The following RET variants were observed in gnomAD, a reference collection of about 807,000 sequenced individuals.
The protein encoded by RET is proto-oncogene tyrosine-protein kinase receptor Ret.
RET carries 19 observed loss-of-function variants against 118.3 expected under a neutral mutation model. The observed-to-expected ratio is 0.16, with a 90% CI of 0.11 to 0.24. RET has a LOEUF of 0.24. Among genes scored for constraint, RET ranks in the 10% least tolerant of loss-of-function variants. The probability of loss-of-function intolerance (pLI) is 1.00; values close to 1 mark genes in which losing one functional copy is unlikely to be tolerated. For synonymous variants in RET, 597 were observed against 644.1 expected (o/e 0.93, Z 1.11); for missense variants, 1,219 against 1,502.1 (o/e 0.81, Z 3.12).
Position 43,107,559 on chromosome 10 carries a change from TCACACA to T in RET, c.1063+1026_1063+1031del, listed in dbSNP as rs59876947. ...ATGTAGACCTTTAACCCCCCATGCCTCACACACACACACACACACACACACACACAC... is the reference window on the plus strand; with the variant it reads ...ATGTAGACCTTTAACCCCCCATGCCTCACACACACACACACACACACACAC... On this transcript the variant is annotated intron_variant, in intron 5 of 19. Transcript: ENST00000355710. Among the ~76,000 whole-genome samples the T allele has an allele frequency of 5.5e-3, 770 of 140,788 alleles. 6 individuals are homozygous for T. The highest frequency in any genetic ancestry group is 0.019 in the Middle Eastern group (5 of 268). 92.4% of individuals were successfully genotyped at this position (140,788 alleles called of 152,430 possible). A position where few individuals can be genotyped will look rare whatever the true frequency, so the allele number is the denominator to read the frequency against.
Position 43,077,164 on chromosome 10 carries a change from G to T in RET, c.-95G>T. The stretch of plus-strand genomic sequence containing the variant: ...CGTCGCGTCCGCCGCGCCCCGGGCG[G>T]GGATGGGGCGGCCAGACTGAGCGCC... On this transcript the variant is annotated 5_prime_UTR_variant, in exon 1 of 20. Coordinates refer to ENST00000355710, the MANE Select transcript of RET (RefSeq NM_020975.6). 7.5e-7 allele frequency: 1 copy of T among 1,336,380 alleles called. No homozygotes were observed. Among genetic ancestry groups the T allele is most frequent in the South Asian group, 1.9e-5 (1 of 52,762 alleles). The allele number at this position is 1,336,380 out of a possible 1,614,324, so 82.8% of individuals were successfully genotyped here. A position where few individuals can be genotyped will look rare whatever the true frequency, so the allele number is the denominator to read the frequency against.
intron 2 of RET, among the ~76,000 whole-genome samples, chr10:43,101,213 G>A (rs1363036626): frequency 6.7e-6 from 1 of 149,940 alleles, no homozygotes; most frequent in Non-Finnish European, 1.5e-5. Context: ...CAGAGCCAGA[G>A]TCACGGCCAC....
chr10:43,120,330 C>T (rs1838187151), intron 15 of RET, 127 bp downstream of exon 15: 2 of 1,325,222 alleles, frequency 1.5e-6, no homozygotes, highest in East Asian at 2.5e-5. Flanking sequence ...TTATAGCCCT[C>T]ACCCCAAATC....
At chr10:43,081,251 T>G (rs1263914199) in intron 1 of RET, among the ~76,000 whole-genome samples, 2 of 151,734 alleles carry the variant, frequency 1.3e-5, no homozygotes, top group East Asian at 3.9e-4. Context: ...CTCCCCGTTC[T>G]CTGCTGTGCC....
chr10:43,106,423 T>C lies in RET; in HGVS notation c.915T>C (p.Pro305=), dbSNP rs776987390. 1.2e-6 allele frequency: 2 copies of C among 1,613,368 alleles called. No homozygotes were observed. Among genetic ancestry groups the C allele is most frequent in the South Asian group, 2.2e-5 (2 of 91,010 alleles). ...TLRVFDADVV[P]ASGELVRRYT... ...GTGTCTTCGATGCAGACGTGGTACC[T>C]GCATCAGGGGAGCTGGTGAGGCGGT... Residue 305 remains proline, a synonymous_variant, in exon 5 of 20, where the codon CCT becomes CCC. Coordinates refer to ENST00000355710, the MANE Select transcript of RET (RefSeq NM_020975.6). This position sits in a 1 kb window ranked among gnomAD's most constrained non-coding sequence, Gnocchi z 5.1.
intron 15 of RET, 63 bp downstream of exon 15, chr10:43,120,266 G>C (rs2132966523): frequency 6.2e-7 from 1 of 1,600,432 alleles, no homozygotes; most frequent in Non-Finnish European, 8.5e-7. Context: ...GGGGCAGGCA[G>C]TGCCCTTGGG....
chr10:43,118,536 A>G, intron 13 of RET, 56 bp downstream of exon 13: 1 of 1,269,350 alleles, frequency 7.9e-7, no homozygotes. Context: ...TGGGGGCTCC[A>G]TACAGCCCTG....
intron 19 of RET, chr10:43,127,601 C>A: frequency 1.3e-5 from 6 of 451,044 alleles, no homozygotes; most frequent in Non-Finnish European, 1.8e-5. Context: ...CCTCCTGACT[C>A]ACTGACTCCT....
intron 5 of RET, among the ~76,000 whole-genome samples, chr10:43,107,309 C>T (rs1261880093): frequency 6.6e-6 from 1 of 152,224 alleles, no homozygotes; most frequent in Non-Finnish European, 1.5e-5. Context: ...CCTCCTTGCC[C>T]TGGCACTGAA....
intron 16 of RET, among the ~76,000 whole-genome samples, chr10:43,122,288 C>A (rs563141771): frequency 9.8e-5 from 15 of 152,328 alleles, no homozygotes; most frequent in East Asian, 7.7e-4. Context: ...CAGCCTCCCC[C>A]ACCCTTGCTA....
chr10:43,111,574 G>A (rs906295291), intron 7 of RET, 109 bp downstream of exon 7: 8 of 1,302,154 alleles, frequency 6.1e-6, no homozygotes, highest in South Asian at 5.8e-5. Flanking sequence ...GCTGGGGAGT[G>A]GGGAAGGCAT....
chr10:43,115,765 G>A (rs922346164), intron 11 of RET, among the ~76,000 whole-genome samples: 6 of 152,230 alleles, frequency 3.9e-5, no homozygotes, highest in Non-Finnish European at 8.8e-5. Flanking sequence ...GGTTGATGTC[G>A]CCCTCATGTG....
chr10:43,112,444 C>G (rs1837962617), intron 8 of RET, among the ~76,000 whole-genome samples: 1 of 152,234 alleles, frequency 6.6e-6, no homozygotes, highest in African/African-American at 2.4e-5. Context: ...CGGATTCACT[C>G]TGGACTTGGG....
chr10:43,103,812 T>C (rs1193115451), intron 3 of RET, among the ~76,000 whole-genome samples: 2 of 152,238 alleles, frequency 1.3e-5, no homozygotes, highest in Admixed American at 6.5e-5. Flanking sequence ...AAGCATTATA[T>C]GATAAGCATT....
intron 1 of RET, among the ~76,000 whole-genome samples, chr10:43,097,128 G>A (rs532156320): frequency 2.0e-3 from 309 of 152,324 alleles, no homozygotes; most frequent in Non-Finnish European, 3.2e-3. Context: ...AGGAAGGCCC[G>A]TTCTCCCCTG....
intron 1 of RET, among the ~76,000 whole-genome samples, chr10:43,100,209 G>A (rs1040981572): frequency 5.9e-5 from 9 of 152,174 alleles, no homozygotes; most frequent in African/African-American, 2.2e-4. Flanking sequence ...TGCCCTTCCG[G>A]CTTGGATGAT....
rs932160493 is a variant in RET at position 43,123,560 on chromosome 10, G to A, written c.2802-111G>A. The A allele has an allele frequency of 8.8e-5, 126 of 1,423,808 alleles. No individual in the cohort carries two copies. The African/African-American group carries it at 1.6e-3, about 18-fold the overall frequency. The allele number at this position is 1,423,808 out of a possible 1,614,324, so 88.2% of individuals were successfully genotyped here. A position where few individuals can be genotyped will look rare whatever the true frequency, so the allele number is the denominator to read the frequency against. On this transcript the variant is annotated intron_variant, in intron 16 of 19. Transcript: ENST00000355710. ...CTGACATCTGTGAGCATCTGTGCTT[G>A]AAGCCGACAGGGTCAGCAGGTGCTT...
chr10:43,114,173 CTGCCAGCCCTCCAGTGCCAGCTGG>C lies in RET; in HGVS notation c.1880-304_1880-281del, dbSNP rs1284452796. Among the ~76,000 whole-genome samples, 1 of 152,220 alleles carries C rather than the reference CTGCCAGCCCTCCAGTGCCAGCTGG, an allele frequency of 6.6e-6. No homozygotes were observed. Among genetic ancestry groups the C allele is most frequent in the Non-Finnish European group, 1.5e-5 (1 of 68,032 alleles). ...GAACAGAGGAAAATTTTGACCTCCCCTGCCAGCCCTCCAGTGCCAGCTGGTGTAATGAGCACAGCCTCTGCTGTG... is the reference window on the plus strand; with the variant it reads ...GAACAGAGGAAAATTTTGACCTCCCCTGTAATGAGCACAGCCTCTGCTGTG... On this transcript the variant is annotated intron_variant, in intron 10 of 19. Coordinates refer to ENST00000355710, the MANE Select transcript of RET (RefSeq NM_020975.6). This position sits in a 1 kb window ranked among gnomAD's most constrained non-coding sequence, Gnocchi z 4.6.
At position 43,109,667 on chromosome 10, in the gene RET, C is replaced by T. The variant is rs111465994; in HGVS notation, c.1263+437C>T. ...ATCACAGTGCTGTCCACAGTGGTGC[C>T]CTCAGGGGGAGGCAGGAAACGCTTC... On this transcript the variant is annotated intron_variant, in intron 6 of 19. Coordinates refer to ENST00000355710, the MANE Select transcript of RET (RefSeq NM_020975.6). Among the ~76,000 whole-genome samples the T allele has an allele frequency of 9.4e-3, 1,423 of 152,162 alleles. 26 individuals carry two copies. The highest frequency in any genetic ancestry group is 0.032 in the African/African-American group (1,348 of 41,478).
Sources: allele counts gnomAD v4.1 joint callset (sites outside exome capture counted in the v4.1 genomes callset), GRCh38; gene constraint gnomAD v4.1.1; non-coding constraint Gnocchi (gnomAD v3.1); transcripts MANE v1.5; gene names NCBI Gene and HGNC (gene_info 2026-07-23, HGNC 2026-07-21).